The following ELP4 variants were observed in gnomAD, a reference collection of about 807,000 sequenced individuals.
The protein encoded by ELP4 is elongator complex protein 4.
In ELP4, 51 loss-of-function variants were observed where a neutral mutation model predicts 48.9. The ratio of observed to expected loss-of-function variants is 1.04; its 90% CI spans 0.83 to 1.32. ELP4 has a LOEUF of 1.32. ELP4 is among the 40% of genes most tolerant of loss of function. The pLI is 0.00. For missense variants in ELP4, 519 were observed against 514.6 expected (o/e 1.01, Z -0.08); for synonymous variants, 210 against 189.2 (o/e 1.11, Z -0.90).
intron 5 of ELP4, among the ~76,000 whole-genome samples, chr11:31,624,645 A>G (rs1201760338): frequency 6.6e-6 from 1 of 151,736 alleles, no homozygotes; most frequent in East Asian, 1.9e-4. Context: ...TAAGAAATTC[A>G]CCTTAGCTTC....
chr11:31,634,732 T>C (rs1680313672), intron 7 of ELP4, among the ~76,000 whole-genome samples: 1 of 152,036 alleles, frequency 6.6e-6, no homozygotes, highest in Admixed American at 6.6e-5. Context: ...TCAGCCCCTG[T>C]ATAACTGGAA....
chr11:31,511,587 A>G (rs1565028497), intron 1 of ELP4: 1 of 152,196 alleles, frequency 6.6e-6, no homozygotes, highest in Non-Finnish European at 1.5e-5. Context: ...ATTAAGTGAT[A>G]TGAACAGTCT....
intron 9 of ELP4, among the ~76,000 whole-genome samples, chr11:31,748,514 G>A (rs1166056197): frequency 2.0e-5 from 3 of 151,676 alleles, no homozygotes; most frequent in Non-Finnish European, 2.9e-5. Flanking sequence ...CAAAGTGCTG[G>A]GATTACAGGC....
chr11:31,533,365 A>ATTTTTTTTTTTTTTTTT (rs1592089795), intron 2 of ELP4, among the ~76,000 whole-genome samples: 1 of 67,742 alleles, frequency 1.5e-5, no homozygotes, highest in Non-Finnish European at 2.7e-5. Flanking sequence ...AAGCCATCTC[A>ATTTTTTTTTTTTTTTTT]TTCTTTTTTT....
intron 9 of ELP4, among the ~76,000 whole-genome samples, chr11:31,746,312 T>C (rs949743702): frequency 3.9e-5 from 6 of 152,212 alleles, no homozygotes; most frequent in Admixed American, 3.9e-4. Context: ...AGTTCAACCA[T>C]TGTGGAAGTC....
intron 9 of ELP4, chr11:31,714,710 A>G: frequency 2.5e-6 from 1 of 398,562 alleles, no homozygotes; most frequent in Non-Finnish European, 4.4e-6. Context: ...TGCCTTTTCC[A>G]GCTTCTAGAG....
At chr11:31,511,194 G>A (rs990111545) in intron 1 of ELP4, 1 of 152,030 alleles carries the variant, frequency 6.6e-6, no homozygotes, top group African/African-American at 2.4e-5. Flanking sequence ...GAGTTGCATG[G>A]TACTGTAAAT....
intron 9 of ELP4, among the ~76,000 whole-genome samples, chr11:31,741,878 G>T (rs1023429027): frequency 2.0e-5 from 3 of 152,150 alleles, no homozygotes; most frequent in African/African-American, 4.8e-5. Context: ...CACCAGCAAC[G>T]GAACAAAGCT....
intron 9 of ELP4, among the ~76,000 whole-genome samples, chr11:31,675,890 A>G (rs1204441180): frequency 6.6e-6 from 1 of 152,120 alleles, no homozygotes; most frequent in South Asian, 2.1e-4. Context: ...CTCCAATGCT[A>G]CCACTCAGTC....
At chr11:31,772,490 G>A (rs919268050) in intron 9 of ELP4, among the ~76,000 whole-genome samples, 1 of 152,132 alleles carries the variant, frequency 6.6e-6, no homozygotes, top group Admixed American at 6.5e-5. Context: ...CTAAGTATCT[G>A]TGCATTGTCC....
At chr11:31,742,006 T>C (rs902516525) in intron 9 of ELP4, among the ~76,000 whole-genome samples, 4 of 151,866 alleles carry the variant, frequency 2.6e-5, no homozygotes, top group African/African-American at 9.7e-5. Context: ...GAAAAAAAAT[T>C]AGATGAATGG....
In ELP4 at chr11:31,789,727, C is replaced by T. The variant is rs886048199; in HGVS notation, c.*6203C>T. 4.3e-6 allele frequency: 3 copies of T among 705,688 alleles called. No homozygotes were observed. Among genetic ancestry groups the T allele is most frequent in the Non-Finnish European group, 7.8e-6 (3 of 385,712 alleles). 43.7% of individuals were successfully genotyped at this position (705,688 alleles called of 1,614,324 possible). A position where few individuals can be genotyped will look rare whatever the true frequency, so the allele number is the denominator to read the frequency against. On this transcript the variant is annotated 3_prime_UTR_variant, in exon 10 of 10. Coordinates refer to ENST00000640961, the MANE Select transcript of ELP4 (RefSeq NM_019040.5). The stretch of plus-strand genomic sequence containing the variant: ...TTGGATACCAAAATGAAGATTTGTT[C>T]CAACTGATATCGTGCCTTCTGTATA...
intron 9 of ELP4, chr11:31,767,675 G>C (rs1320490638): frequency 6.6e-6 from 1 of 151,106 alleles, no homozygotes; most frequent in Admixed American, 6.6e-5. Context: ...TTTTTTTCTT[G>C]CTTTATTTGC....
chr11:31,758,762 G>C (rs1947883148), intron 9 of ELP4, among the ~76,000 whole-genome samples: 1 of 151,386 alleles, frequency 6.6e-6, no homozygotes, highest in Admixed American at 6.6e-5. Flanking sequence ...CACCTTCCAG[G>C]TTCAAGCAGT....
chr11:31,691,174 A>G (rs1480155643), intron 9 of ELP4, among the ~76,000 whole-genome samples: 1 of 152,050 alleles, frequency 6.6e-6, no homozygotes, highest in Non-Finnish European at 1.5e-5. Context: ...TGAGCCTGGA[A>G]ATTAAGGGGA....
intron 3 of ELP4, among the ~76,000 whole-genome samples, chr11:31,554,012 A>G (rs765551582): frequency 5.3e-5 from 8 of 152,136 alleles, no homozygotes; most frequent in African/African-American, 1.7e-4. Flanking sequence ...CATGAACCCT[A>G]TTGTGAACTG....
intron 9 of ELP4, among the ~76,000 whole-genome samples, chr11:31,697,908 A>C (rs1432052132): frequency 6.6e-6 from 1 of 152,198 alleles, no homozygotes; most frequent in Non-Finnish European, 1.5e-5. Flanking sequence ...AAAGTTAAAA[A>C]AAAACCCATT....
At chr11:31,646,187 G>GA (rs905160772) in intron 7 of ELP4, 1 of 151,692 alleles carries the variant, frequency 6.6e-6, no homozygotes, top group African/African-American at 2.4e-5. Flanking sequence ...AATTGCCTTA[G>GA]AAAAAATAGG....
intron 6 of ELP4, among the ~76,000 whole-genome samples, chr11:31,628,835 T>G (rs1944801449): frequency 6.6e-6 from 1 of 152,110 alleles, no homozygotes; most frequent in African/African-American, 2.4e-5. Flanking sequence ...ACTTAGTATA[T>G]ATATCTGTCT....
Sources: allele counts gnomAD v4.1 joint callset (sites outside exome capture counted in the v4.1 genomes callset), GRCh38; gene constraint gnomAD v4.1.1; transcripts MANE v1.5; gene names NCBI Gene and HGNC (gene_info 2026-07-23, HGNC 2026-07-21).